Variants in GALNT1 observed in about 807,000 individuals in gnomAD.
The protein encoded by GALNT1 is polypeptide N-acetylgalactosaminyltransferase 1.
In GALNT1, 17 loss-of-function variants were observed where a neutral mutation model predicts 65.7. The observed-to-expected ratio is 0.26, with a 90% CI of 0.18 to 0.39. The LOEUF is 0.39. Among genes scored for constraint, GALNT1 ranks in the 10% least tolerant of loss-of-function variants. GALNT1 has a pLI of 1.00. For missense variants in GALNT1, 460 were observed against 672.8 expected, an observed-to-expected ratio of 0.68 and a Z score of 3.50; for synonymous variants, 210 against 219.7, an observed-to-expected ratio of 0.96 and a Z score of 0.39.
At chr18:35,621,328 G>A (rs1342322600) in intron 1 of GALNT1, among the ~76,000 whole-genome samples, 1 of 133,238 alleles carries the variant, frequency 7.5e-6, no homozygotes, top group Non-Finnish European at 1.6e-5. Flanking sequence ...ACAGATGCGT[G>A]TCAACACACC....
chr18:35,597,934 T>C (rs897301286), intron 1 of GALNT1, among the ~76,000 whole-genome samples: 11 of 150,458 alleles, frequency 7.3e-5, no homozygotes, highest in African/African-American at 2.4e-4. Flanking sequence ...ATACAATATA[T>C]CATTGTTAAC....
chr18:35,687,413 A>G (rs2047885362), intron 6 of GALNT1, among the ~76,000 whole-genome samples: 2 of 152,244 alleles, frequency 1.3e-5, no homozygotes, highest in South Asian at 2.1e-4. Flanking sequence ...CACATGAGAA[A>G]TGATGACATG....
chr18:35,692,235 A>G lies in GALNT1; in HGVS notation c.1214A>G (p.Lys405Arg). The change falls in exon 9 of 12, where the codon AAA (lysine) becomes AGA (arginine). Residue 405 changes from lysine (K) to arginine (R), a missense_variant. Transcript: ENST00000269195. ...TCGTCAAGAGTTGGTCTAAGACACA[A>G]ACTACAATGCAAACCTTTTTCCTGG... ...DISSRVGLRHKLQCKPFSWYL... is the reference protein window; with the variant it reads ...DISSRVGLRHRLQCKPFSWYL... 6.2e-7 allele frequency: 1 copy of G among 1,610,512 alleles called. No homozygotes were observed. Among genetic ancestry groups the G allele is most frequent in the South Asian group, 1.1e-5 (1 of 90,976 alleles).
chr18:35,610,040 A>G (rs1460101781), intron 1 of GALNT1, among the ~76,000 whole-genome samples: 1 of 152,236 alleles, frequency 6.6e-6, no homozygotes, highest in Admixed American at 6.5e-5. Context: ...TATGGATCAC[A>G]GAGTGTTCAA....
chr18:35,663,725 T>G lies in GALNT1; in HGVS notation c.237T>G (p.Phe79Leu), dbSNP rs749132119. ...ATCAAGAAAAGATGAAAGAGATGTTTAAAATCAATCAGTTCAATTTAATGG... is the reference window on the plus strand; with the variant it reads ...ATCAAGAAAAGATGAAAGAGATGTTGAAAATCAATCAGTTCAATTTAATGG... Reference protein sequence around the residue: ...KEDQEKMKEMFKINQFNLMAS... With the variant: ...KEDQEKMKEMLKINQFNLMAS... The change falls in exon 3 of 12, where the codon TTT becomes TTG. Residue 79 changes from phenylalanine to leucine, a missense_variant. By Grantham distance (22) the Phe-to-Leu change is conservative. Transcript: ENST00000269195. The G allele has an allele frequency of 1.2e-6, 2 of 1,613,980 alleles. No homozygotes were observed. Among genetic ancestry groups the G allele is most frequent in the Non-Finnish European group, 1.7e-6 (2 of 1,179,886 alleles).
At chr18:35,665,766 C>T (rs1598799757) in intron 3 of GALNT1, among the ~76,000 whole-genome samples, 1 of 152,126 alleles carries the variant, frequency 6.6e-6, no homozygotes, top group Non-Finnish European at 1.5e-5. Flanking sequence ...CAATAAAGTG[C>T]ACAGGTTAAA....
intron 11 of GALNT1, among the ~76,000 whole-genome samples, chr18:35,706,143 TAC>T (rs2048254546): frequency 6.6e-6 from 1 of 152,174 alleles, no homozygotes; most frequent in African/African-American, 2.4e-5. Context: ...CTAGCCAACC[TAC>T]ACAGTCTACC....
At chr18:35,642,440 T>C (rs2047177205) in intron 1 of GALNT1, among the ~76,000 whole-genome samples, 1 of 152,164 alleles carries the variant, frequency 6.6e-6, no homozygotes, top group South Asian at 2.1e-4. Context: ...GGTTAAATTA[T>C]CAGGACAAGG....
At chr18:35,614,945 G>C (rs2046764447) in intron 1 of GALNT1, among the ~76,000 whole-genome samples, 1 of 151,824 alleles carries the variant, frequency 6.6e-6, no homozygotes, top group African/African-American at 2.4e-5. Flanking sequence ...ATATATCGAA[G>C]GACATTAAGA....
At chr18:35,584,438 A>G (rs78431456) in intron 1 of GALNT1, among the ~76,000 whole-genome samples, 2,089 of 152,300 alleles carry the variant, frequency 0.014, 42 homozygotes, top group African/African-American at 0.046. Context: ...AGGAAAGAGG[A>G]GAGATCAGTT....
chr18:35,642,263 C>T (rs2047173689), intron 1 of GALNT1, among the ~76,000 whole-genome samples: 2 of 152,158 alleles, frequency 1.3e-5, no homozygotes, highest in Admixed American at 1.3e-4. Flanking sequence ...TTTGCTAAGC[C>T]AGCGGAATAC....
Position 35,654,615 on chromosome 18 carries a change from A to G in GALNT1, c.-48A>G, listed in dbSNP as rs2047354782. The G allele has an allele frequency of 1.9e-6, 2 of 1,041,412 alleles. No individual in the cohort carries two copies. Among genetic ancestry groups the G allele is most frequent in the Non-Finnish European group, 2.5e-6 (2 of 798,680 alleles). 64.5% of individuals were successfully genotyped at this position (1,041,412 alleles called of 1,614,324 possible). On this transcript the variant is annotated 5_prime_UTR_variant, in exon 2 of 12. Transcript: ENST00000269195. ...TTGGAATAATTTTCATGATCTTTGT[A>G]TATTTATATATATATATTTTTAAAT...
chr18:35,703,023 G>T, intron 10 of GALNT1, 28 bp downstream of exon 10: 1 of 1,325,330 alleles, frequency 7.5e-7, no homozygotes, highest in East Asian at 2.4e-5. Context: ...CTCTTAAAAG[G>T]GATAATTTTC....
At chr18:35,708,731 C>T (rs537445788) in intron 11 of GALNT1, among the ~76,000 whole-genome samples, 4 of 152,218 alleles carry the variant, frequency 2.6e-5, no homozygotes, top group African/African-American at 7.2e-5. Flanking sequence ...TCTTACCTGC[C>T]CTGCCCTTTC....
chr18:35,652,089 C>G (rs1310625749), intron 1 of GALNT1, among the ~76,000 whole-genome samples: 1 of 151,590 alleles, frequency 6.6e-6, no homozygotes. Flanking sequence ...ATGTTATTTG[C>G]TCTTCACCAG....
intron 1 of GALNT1, among the ~76,000 whole-genome samples, chr18:35,582,272 C>T (rs1003987448): frequency 6.6e-6 from 1 of 152,138 alleles, no homozygotes; most frequent in African/African-American, 2.4e-5. Flanking sequence ...GAGGGGGCTT[C>T]CCGGCCCGCT....
rs77622000 is a variant in GALNT1, at chr18:35,701,279, G to T, written c.1300-1618G>T. On this transcript the variant is annotated intron_variant, in intron 9 of 11. Transcript: ENST00000269195. ...TGTAGAGACAAGGTCTTGCTATGTT[G>T]CAAGTCTTGAACTCCTAGGCTCAGG... Among the ~76,000 whole-genome samples, 1,483 of 152,222 alleles carry T rather than the reference G, an allele frequency of 9.7e-3. 18 individuals are homozygous for T. Among genetic ancestry groups the T allele is most frequent in the African/African-American group, 0.035 (1,439 of 41,528 alleles).
intron 3 of GALNT1, 76 bp from the exon 4 acceptor site, chr18:35,677,515 C>T: frequency 8.5e-7 from 1 of 1,175,790 alleles, no homozygotes; most frequent in South Asian, 1.9e-5. Context: ...ATTGTTCTAT[C>T]ACCCTTCTAG....
At chr18:35,644,157 C>T (rs902933553) in intron 1 of GALNT1, among the ~76,000 whole-genome samples, 7 of 152,042 alleles carry the variant, frequency 4.6e-5, no homozygotes, top group Non-Finnish European at 7.4e-5. Context: ...AGATAACACC[C>T]GGGAAATAAC....
Sources: allele counts gnomAD v4.1 joint callset (sites outside exome capture counted in the v4.1 genomes callset), GRCh38; gene constraint gnomAD v4.1.1; transcripts MANE v1.5; gene names NCBI Gene and HGNC (gene_info 2026-07-23, HGNC 2026-07-21).